The following KIAA0319 variants were observed in gnomAD, a reference collection of about 807,000 sequenced individuals.
KIAA0319 encodes dyslexia-associated protein KIAA0319.
Under a neutral mutation model 108.4 loss-of-function variants are expected in KIAA0319, and 83 were observed. The observed-to-expected ratio is 0.77, with a 90% CI of 0.64 to 0.92. The LOEUF (loss-of-function observed/expected upper bound fraction) is 0.92, where lower values mean the gene tolerates loss of function less well. Among genes scored for constraint, KIAA0319 ranks in the 40% least tolerant of loss-of-function variants. The probability of loss-of-function intolerance (pLI) is 0.00; values close to 1 mark genes in which losing one functional copy is unlikely to be tolerated. For missense variants in KIAA0319, 1,195 were observed against 1,322.4 expected (o/e 0.90, Z 1.49); for synonymous variants, 484 against 510.4 (o/e 0.95, Z 0.70).
rs747391463 is a variant in KIAA0319, at chr6:24,570,018, C to T, written c.1876G>A (p.Val626Met). The change falls in exon 12 of 21, where the codon GTG becomes ATG. Residue 626 changes from valine to methionine, a missense_variant. By Grantham distance (21) the Val-to-Met change is conservative. Transcript: ENST00000378214. ...IVQPENNRPP[V>M]AVAGPDKELI... Reference sequence around the variant, plus strand: ...TCTTTATCAGGGCCGGCCACAGCCACTGGAGGTCTATTGTTTTCTGGAATT... The same window carrying T: ...TCTTTATCAGGGCCGGCCACAGCCATTGGAGGTCTATTGTTTTCTGGAATT... 6.2e-7 allele frequency: 1 copy of T among 1,613,994 alleles called. No homozygotes were observed. Among genetic ancestry groups the T allele is most frequent in the African/African-American group, 1.3e-5 (1 of 74,916 alleles).
At chr6:24,564,010 T>C (rs1763486903) in intron 15 of KIAA0319, among the ~76,000 whole-genome samples, 192 bp downstream of exon 15, 1 of 152,046 alleles carries the variant, frequency 6.6e-6, no homozygotes, top group Non-Finnish European at 1.5e-5. Flanking sequence ...ACATTCTCTT[T>C]TAAAGAGTGA....
chr6:24,626,531 C>CA lies in KIAA0319; in HGVS notation c.-106+19204dup, dbSNP rs950154174. On this transcript the variant is annotated intron_variant, in intron 1 of 20. Coordinates refer to ENST00000378214, the MANE Select transcript of KIAA0319 (RefSeq NM_014809.4). ...TGGGCAACAGAGCAAGACTCGCTCTCAAAAAAAAAGGGGGTGAAACTGTTT... is the reference window on the plus strand; with the variant it reads ...TGGGCAACAGAGCAAGACTCGCTCTCAAAAAAAAAAGGGGGTGAAACTGTTT... Among the ~76,000 whole-genome samples, 449 of 148,800 alleles carry CA rather than the reference C, an allele frequency of 3.0e-3. 2 individuals carry two copies. The highest frequency in any genetic ancestry group is 9.8e-3 in the African/African-American group (397 of 40,544).
At chr6:24,639,359 T>C (rs969296091) in intron 1 of KIAA0319, among the ~76,000 whole-genome samples, 1 of 152,034 alleles carries the variant, frequency 6.6e-6, no homozygotes, top group African/African-American at 2.4e-5. Flanking sequence ...TAGGAAATAA[T>C]GGAAATAAAA....
chr6:24,573,499 C>CA (rs963430073), intron 10 of KIAA0319, among the ~76,000 whole-genome samples: 15 of 151,194 alleles, frequency 9.9e-5, no homozygotes, highest in African/African-American at 3.4e-4. Flanking sequence ...AAATATTAAG[C>CA]AAAAAAAAGA....
At chr6:24,551,003 G>C (rs995851943) in intron 20 of KIAA0319, among the ~76,000 whole-genome samples, 1 of 151,988 alleles carries the variant, frequency 6.6e-6, no homozygotes, top group African/African-American at 2.4e-5. Context: ...TCTTGAGACA[G>C]AGTCTCAGTC....
chr6:24,550,966 T>C (rs950199337), intron 20 of KIAA0319, among the ~76,000 whole-genome samples: 2 of 151,592 alleles, frequency 1.3e-5, no homozygotes, highest in African/African-American at 2.4e-5. Context: ...ATCCTCAGGA[T>C]TGATGAAGGT....
chr6:24,586,029 C>T (rs531150132), intron 4 of KIAA0319, among the ~76,000 whole-genome samples: 1 of 152,182 alleles, frequency 6.6e-6, no homozygotes, highest in South Asian at 2.1e-4. Context: ...GCAGAGGTTG[C>T]AGTGAGCCAA....
intron 1 of KIAA0319, among the ~76,000 whole-genome samples, chr6:24,617,707 C>T (rs973830357): frequency 2.6e-5 from 4 of 152,114 alleles, no homozygotes; most frequent in Admixed American, 1.3e-4. Context: ...AGAACCTTGG[C>T]GGGGCGTGGT....
intron 1 of KIAA0319, among the ~76,000 whole-genome samples, chr6:24,610,684 G>A (rs1003066100): frequency 1.3e-5 from 2 of 152,104 alleles, no homozygotes; most frequent in African/African-American, 4.8e-5. Flanking sequence ...ACTTTGGGAG[G>A]CTGAGCGGGG....
chr6:24,586,109 G>T (rs142989391), intron 4 of KIAA0319, among the ~76,000 whole-genome samples: 46 of 152,186 alleles, frequency 3.0e-4, no homozygotes, highest in Middle Eastern at 3.4e-3. Context: ...AAAAAAACAA[G>T]CTGTACCCTG....
In KIAA0319 at chr6:24,553,292, T is replaced by C. The variant is rs868080328; in HGVS notation, c.2948+1249A>G. Among the ~76,000 whole-genome samples the C allele has an allele frequency of 4.0e-3, 380 of 94,990 alleles. 2 individuals carry two copies. The highest frequency in any genetic ancestry group is 0.012 in the African/African-American group (248 of 20,768). 62.3% of individuals were successfully genotyped at this position (94,990 alleles called of 152,430 possible). ...TGAGATAGATATATATATATATATA[T>C]ATACACACACACACACACACACACA... On this transcript the variant is annotated intron_variant, in intron 19 of 20. Coordinates refer to ENST00000378214, the MANE Select transcript of KIAA0319 (RefSeq NM_014809.4).
rs1305422010 is a variant in KIAA0319 at position 24,553,290 on chromosome 6, TATATACACAC to T, written c.2948+1241_2948+1250del. 1.4e-3 allele frequency among the ~76,000 whole-genome samples: 112 copies of T among 80,634 alleles called. 2 individuals are homozygous for T. Among genetic ancestry groups the T allele is most frequent in the African/African-American group, 4.4e-3 (79 of 18,144 alleles). 52.9% of individuals were successfully genotyped at this position (80,634 alleles called of 152,430 possible). A position where few individuals can be genotyped will look rare whatever the true frequency, so the allele number is the denominator to read the frequency against. On this transcript the variant is annotated intron_variant, in intron 19 of 20. Coordinates refer to ENST00000378214, the MANE Select transcript of KIAA0319 (RefSeq NM_014809.4). ...TGTGAGATAGATATATATATATATA[TATATACACAC>T]ACACACACACACACACACACACACA... is the stretch of plus-strand genomic sequence containing the variant.
chr6:24,542,874 ATGTATCAACCAACCAGGCGTCATC>A (rs1760255477), downstream of KIAA0319, among the ~76,000 whole-genome samples: 3 of 152,238 alleles, frequency 2.0e-5, 1 homozygote, highest in South Asian at 6.2e-4. Context: ...CAGGACTCAG[ATGTATCAACCAACCAGGCGTCATC>A]TGTATCAACC....
rs148992964 is a variant in KIAA0319, at chr6:24,644,440, A to C, written c.-106+1296T>G. Among the ~76,000 whole-genome samples, 637 of 152,302 alleles carry C rather than the reference A, an allele frequency of 4.2e-3. 3 individuals are homozygous for C. Among genetic ancestry groups the C allele is most frequent in the African/African-American group, 0.014 (565 of 41,554 alleles). ...TTTGGTGATTTTTTTATGACCAGAA[A>C]TATGCTGTAGGAACTTAACTCTTGT... On this transcript the variant is annotated intron_variant, in intron 1 of 20. Transcript: ENST00000378214.
chr6:24,558,376 G>T (rs201482317), intron 17 of KIAA0319, among the ~76,000 whole-genome samples: 9 of 138,934 alleles, frequency 6.5e-5, no homozygotes, highest in Non-Finnish European at 1.4e-4. Context: ...TAGATAGATA[G>T]ATAGATAGAT....
intron 1 of KIAA0319, among the ~76,000 whole-genome samples, chr6:24,639,846 TAAA>T (rs34542799): frequency 7.4e-6 from 1 of 134,882 alleles, no homozygotes; most frequent in Non-Finnish European, 1.6e-5. Context: ...GACTCCATCT[TAAA>T]AAAAAAAAAA....
intron 5 of KIAA0319, chr6:24,583,174 A>G: frequency 3.0e-6 from 3 of 987,438 alleles, no homozygotes; most frequent in Non-Finnish European, 3.6e-6. Flanking sequence ...TTGAGCAGCT[A>G]GTGTGAGGCA....
Position 24,599,237 on chromosome 6 carries a change from G to T in KIAA0319, c.55+1812C>A. ...AGGAGCTGCAGGCACTGGCTGGGAAGCACAGGGATGACCTGTGTTATACAA... is the reference window on the plus strand; with the variant it reads ...AGGAGCTGCAGGCACTGGCTGGGAATCACAGGGATGACCTGTGTTATACAA... On this transcript the variant is annotated intron_variant, in intron 2 of 20. Transcript: ENST00000378214. This position sits in a 1 kb window ranked among gnomAD's most constrained non-coding sequence, Gnocchi z 4.1. The T allele has an allele frequency of 2.0e-6, 1 of 504,578 alleles. No individual in the cohort carries two copies. The highest frequency in any genetic ancestry group is 3.6e-6 in the Non-Finnish European group (1 of 273,994). 31.3% of individuals were successfully genotyped at this position (504,578 alleles called of 1,614,324 possible). A position where few individuals can be genotyped will look rare whatever the true frequency, so the allele number is the denominator to read the frequency against.
chr6:24,581,015 T>C lies in KIAA0319; in HGVS notation c.1192-2A>G. On this transcript the variant is annotated splice_acceptor_variant, in intron 6 of 20. Transcript: ENST00000378214. LOFTEE classifies it high-confidence loss of function. The stretch of plus-strand genomic sequence containing the variant: ...GAAGACATAAAGTCCGACGGACAAC[T>C]GTAACATAAAGAAAAGTTGTACAGT... The C allele has an allele frequency of 4.4e-6, 7 of 1,599,114 alleles. No homozygotes were observed. The highest frequency in any genetic ancestry group is 6.0e-6 in the Non-Finnish European group (7 of 1,166,938).
Sources: allele counts gnomAD v4.1 joint callset (sites outside exome capture counted in the v4.1 genomes callset), GRCh38; gene constraint gnomAD v4.1.1; non-coding constraint Gnocchi (gnomAD v3.1); transcripts MANE v1.5; gene names NCBI Gene and HGNC (gene_info 2026-07-23, HGNC 2026-07-21).